Variants in CHSY3 observed in about 807,000 individuals in gnomAD.
CHSY3 encodes the protein N-acetylgalactosaminyl-proteoglycan 3-beta-glucuronosyltransferase 3.
In CHSY3, 35 loss-of-function variants were observed where a neutral mutation model predicts 67.2. That is an observed-to-expected ratio of 0.52 (90% CI 0.40 to 0.69). The LOEUF (loss-of-function observed/expected upper bound fraction) is 0.69, where lower values mean the gene tolerates loss of function less well. CHSY3 is among the 30% of genes least tolerant of loss of function. The pLI, the probability that CHSY3 is intolerant of heterozygous loss-of-function variation, is 0.00. For synonymous variants in CHSY3, 474 were observed against 434.7 expected (o/e 1.09, Z -1.12); for missense variants, 1,069 against 1,138.5 (o/e 0.94, Z 0.88).
At chr5:130,110,422 T>C (rs981446059) in intron 2 of CHSY3, among the ~76,000 whole-genome samples, 1 of 152,016 alleles carries the variant, frequency 6.6e-6, no homozygotes, top group African/African-American at 2.4e-5. Context: ...GAGGCAGCTA[T>C]TGAAAAGTGT....
At chr5:130,087,871 A>C (rs913541738) in intron 2 of CHSY3, among the ~76,000 whole-genome samples, 150 of 151,296 alleles carry the variant, frequency 9.9e-4, no homozygotes, top group African/African-American at 3.2e-3. Context: ...AAACTACTTT[A>C]AAGTTCATAT....
chr5:129,978,237 G>A (rs1390917623), intron 2 of CHSY3, among the ~76,000 whole-genome samples: 3 of 152,042 alleles, frequency 2.0e-5, no homozygotes, highest in African/African-American at 7.2e-5. Flanking sequence ...TTCGCTTCCA[G>A]TGACATTTAT....
intron 2 of CHSY3, among the ~76,000 whole-genome samples, chr5:129,966,554 C>T (rs1423382774): frequency 6.6e-6 from 1 of 151,252 alleles, no homozygotes; most frequent in Non-Finnish European, 1.5e-5. Flanking sequence ...AAGTAAATAA[C>T]AAATACCTTT....
At chr5:130,032,718 G>A (rs777766595) in intron 2 of CHSY3, among the ~76,000 whole-genome samples, 1 of 152,122 alleles carries the variant, frequency 6.6e-6, no homozygotes, top group Non-Finnish European at 1.5e-5. Context: ...AGCTGAATAC[G>A]AATGAGAGAG....
intron 2 of CHSY3, among the ~76,000 whole-genome samples, chr5:129,991,007 C>A (rs534851645): frequency 2.0e-5 from 3 of 152,140 alleles, no homozygotes; most frequent in Admixed American, 6.6e-5. Context: ...TGCCAGGAAA[C>A]GCATTTTAGA....
At chr5:129,911,972 C>T (rs1234992326) in intron 2 of CHSY3, among the ~76,000 whole-genome samples, 3 of 152,108 alleles carry the variant, frequency 2.0e-5, no homozygotes, top group Non-Finnish European at 2.9e-5. Flanking sequence ...AGGAGAATGG[C>T]GTGAACCCGG....
chr5:129,996,805 T>A (rs2149635022), intron 2 of CHSY3, among the ~76,000 whole-genome samples: 1 of 152,248 alleles, frequency 6.6e-6, no homozygotes, highest in Middle Eastern at 3.4e-3. Context: ...TTTTGTTTCT[T>A]TATAATAGCA....
At chr5:130,145,429 A>G (rs1271991341) in intron 2 of CHSY3, among the ~76,000 whole-genome samples, 2 of 152,172 alleles carry the variant, frequency 1.3e-5, no homozygotes, top group African/African-American at 2.4e-5. Flanking sequence ...ACCTCTCACC[A>G]TATACAAAAT....
chr5:130,079,693 C>T (rs895937897), intron 2 of CHSY3, among the ~76,000 whole-genome samples: 2 of 152,048 alleles, frequency 1.3e-5, no homozygotes, highest in African/African-American at 4.8e-5. Context: ...AAGTCTTGTT[C>T]TTTTATCTGC....
chr5:130,012,988 A>G (rs574513679), intron 2 of CHSY3, among the ~76,000 whole-genome samples: 2 of 152,174 alleles, frequency 1.3e-5, no homozygotes, highest in African/African-American at 2.4e-5. Flanking sequence ...CCTAGATACA[A>G]TGAGGGTACA....
chr5:130,176,040 A>C (rs944669737), intron 2 of CHSY3, among the ~76,000 whole-genome samples: 1 of 152,210 alleles, frequency 6.6e-6, no homozygotes, highest in Non-Finnish European at 1.5e-5. Context: ...ACAGTAAAAG[A>C]AACTATCATC....
intron 2 of CHSY3, among the ~76,000 whole-genome samples, chr5:129,924,574 A>G (rs1761033714): frequency 6.6e-6 from 1 of 150,450 alleles, no homozygotes; most frequent in African/African-American, 2.4e-5. Flanking sequence ...TGAACCTGGG[A>G]GGCAGAGGTT....
At chr5:129,937,379 ATCAT>A (rs1761532507) in intron 2 of CHSY3, among the ~76,000 whole-genome samples, 1 of 152,178 alleles carries the variant, frequency 6.6e-6, no homozygotes, top group South Asian at 2.1e-4. Context: ...GTCCACTCCC[ATCAT>A]TCAATCACCT....
intron 2 of CHSY3, among the ~76,000 whole-genome samples, chr5:130,048,679 C>T (rs1580683061): frequency 6.6e-6 from 1 of 152,014 alleles, no homozygotes; most frequent in East Asian, 1.9e-4. Flanking sequence ...CTCCACTTCT[C>T]TCTATATTTT....
chr5:130,179,172 G>C (rs1561572349), intron 2 of CHSY3, among the ~76,000 whole-genome samples: 1 of 152,158 alleles, frequency 6.6e-6, no homozygotes, highest in Non-Finnish European at 1.5e-5. Context: ...AAGTTGACTT[G>C]AACTTTTTAT....
chr5:129,991,007 C>T (rs534851645), intron 2 of CHSY3, among the ~76,000 whole-genome samples: 40 of 152,140 alleles, frequency 2.6e-4, no homozygotes, highest in African/African-American at 7.0e-4. Context: ...TGCCAGGAAA[C>T]GCATTTTAGA....
In CHSY3 at chr5:129,905,805, C is replaced by A. The variant is rs368591403; in HGVS notation, c.802+174C>A. The A allele has an allele frequency of 7.4e-6, 10 of 1,352,594 alleles. No individual in the cohort carries two copies. In the East Asian group the frequency reaches 2.5e-4, roughly 34 times the overall value. 83.8% of individuals were successfully genotyped at this position (1,352,594 alleles called of 1,614,324 possible). ...TTGCATCCGCCCACAATTCGTAGCC[C>A]GTTCCTCGTCTTCTGCAATCTGGAC... On this transcript the variant is annotated intron_variant, in intron 1 of 2. Transcript: ENST00000305031.
chr5:129,926,339 T>C (rs563681605), intron 2 of CHSY3, among the ~76,000 whole-genome samples: 8 of 152,160 alleles, frequency 5.3e-5, no homozygotes, highest in Admixed American at 2.6e-4. Flanking sequence ...TATTTTGGTG[T>C]GCCAAATCTC....
intron 2 of CHSY3, among the ~76,000 whole-genome samples, chr5:130,007,239 T>G (rs1038406103): frequency 8.5e-5 from 13 of 152,292 alleles, no homozygotes; most frequent in Admixed American, 4.6e-4. Context: ...GTTTTGTCAC[T>G]GCTGTGAATT....
Sources: allele counts gnomAD v4.1 joint callset (sites outside exome capture counted in the v4.1 genomes callset), GRCh38; gene constraint gnomAD v4.1.1; transcripts MANE v1.5; gene names NCBI Gene and HGNC (gene_info 2026-07-23, HGNC 2026-07-21).